Variants in ALCAM observed in about 807,000 individuals in gnomAD.
ALCAM encodes the protein activated leukocyte cell adhesion molecule.
Under a neutral mutation model 70.9 loss-of-function variants are expected in ALCAM, and 30 were observed. The ratio of observed to expected loss-of-function variants is 0.42; its 90% CI spans 0.32 to 0.57. The LOEUF is 0.57. ALCAM is among the 20% of genes least tolerant of loss of function. The pLI is 0.11. For synonymous variants in ALCAM, 249 were observed against 242.5 expected (o/e 1.03, Z -0.25); for missense variants, 591 against 695.1 (o/e 0.85, Z 1.68).
At chr3:105,532,215 A>G in intron 4 of ALCAM, 149 bp downstream of exon 4, 1 of 691,236 alleles carries the variant, frequency 1.4e-6, no homozygotes, top group East Asian at 2.6e-5. Context: ...TACAAGGCAC[A>G]GAGGGTACAA....
In ALCAM at chr3:105,380,081, G is replaced by A. The variant is rs143051023; in HGVS notation, c.73+12600G>A. Among the ~76,000 whole-genome samples, 129 of 151,846 alleles carry A rather than the reference G, an allele frequency of 8.5e-4. 1 individual carries two copies. The highest frequency in any genetic ancestry group is 2.8e-3 in the African/African-American group (116 of 41,502). Reference sequence around the variant, plus strand: ...GTTAAAACTGTTATATATTTGAATAGTAGACAAAATCTTTTAAAATTACTC... The same window carrying A: ...GTTAAAACTGTTATATATTTGAATAATAGACAAAATCTTTTAAAATTACTC... On this transcript the variant is annotated intron_variant, in intron 1 of 15. Transcript: ENST00000306107.
intron 1 of ALCAM, among the ~76,000 whole-genome samples, chr3:105,481,690 T>C (rs1938275085): frequency 6.6e-6 from 1 of 152,206 alleles, no homozygotes; most frequent in African/African-American, 2.4e-5. Flanking sequence ...TGGTTGAATT[T>C]CTCCACATAT....
intron 1 of ALCAM, among the ~76,000 whole-genome samples, chr3:105,432,060 A>G (rs1936947001): frequency 6.6e-6 from 1 of 152,176 alleles, no homozygotes; most frequent in African/African-American, 2.4e-5. Flanking sequence ...TTCCATATAC[A>G]TTTATGACAG....
intron 1 of ALCAM, among the ~76,000 whole-genome samples, chr3:105,491,875 A>G (rs1288520812): frequency 2.0e-5 from 3 of 152,076 alleles, no homozygotes; most frequent in Non-Finnish European, 4.4e-5. Context: ...AACCCCCCAA[A>G]TGGTTCCAGC....
At chr3:105,503,027 A>G (rs930778129) in intron 1 of ALCAM, among the ~76,000 whole-genome samples, 6 of 152,264 alleles carry the variant, frequency 3.9e-5, no homozygotes, top group South Asian at 4.1e-4. Context: ...GTAAGCACAA[A>G]GCTTAAGAAA....
At chr3:105,405,729 T>C (rs926062333) in intron 1 of ALCAM, among the ~76,000 whole-genome samples, 1 of 152,124 alleles carries the variant, frequency 6.6e-6, no homozygotes, top group Non-Finnish European at 1.5e-5. Context: ...TGGAGTAAAA[T>C]TGGAAATCAA....
chr3:105,458,298 C>G (rs13062704), intron 1 of ALCAM, among the ~76,000 whole-genome samples: 1 of 152,110 alleles, frequency 6.6e-6, no homozygotes, highest in African/African-American at 2.4e-5. Context: ...AACAGTGATT[C>G]TATGTTGCTT....
rs1356273934 is a variant in ALCAM at position 105,517,473 on chromosome 3, C to A, written c.74-2594C>A. Among the ~76,000 whole-genome samples, 3 of 152,152 alleles carry A rather than the reference C, an allele frequency of 2.0e-5. No homozygotes were observed. In the East Asian group the frequency reaches 5.8e-4, roughly 29 times the overall value. ...GATTTGGATTTGGATTTGGAGCTGTCATTAAAAGACACCATTCATGAATTT... is the reference window on the plus strand; with the variant it reads ...GATTTGGATTTGGATTTGGAGCTGTAATTAAAAGACACCATTCATGAATTT... On this transcript the variant is annotated intron_variant, in intron 1 of 15. Transcript: ENST00000306107.
At chr3:105,447,179 G>T (rs1046065687) in intron 1 of ALCAM, among the ~76,000 whole-genome samples, 3 of 151,886 alleles carry the variant, frequency 2.0e-5, no homozygotes, top group African/African-American at 7.3e-5. Context: ...TGGTAATCTT[G>T]TTATACTAAG....
chr3:105,572,151 G>A (rs1940871569), intron 15 of ALCAM, among the ~76,000 whole-genome samples, 187 bp downstream of exon 15: 1 of 151,938 alleles, frequency 6.6e-6, no homozygotes, highest in Non-Finnish European at 1.5e-5. Context: ...GGTATGTTAC[G>A]CTGGTATAAA....
At chr3:105,525,221 T>C (rs1939669715) in intron 3 of ALCAM, 3 of 985,068 alleles carry the variant, frequency 3.0e-6, no homozygotes, top group Non-Finnish European at 3.6e-6. Flanking sequence ...AGTAGAGTAG[T>C]GATGGAAGAA....
chr3:105,547,525 C>T lies in ALCAM; in HGVS notation c.1374+2C>T. On this transcript the variant is annotated splice_donor_variant, in intron 11 of 15. Transcript: ENST00000306107. LOFTEE classifies it low-confidence loss of function (GC_TO_GT_DONOR). ...GGCAGTGGAAGCGTCATAAACCAAGCAAGTATTTGTCTTCTTGTTATATGC... is the reference window on the plus strand; with the variant it reads ...GGCAGTGGAAGCGTCATAAACCAAGTAAGTATTTGTCTTCTTGTTATATGC... 2 of 1,605,734 alleles carry T rather than the reference C, an allele frequency of 1.2e-6. No homozygotes were observed. Among genetic ancestry groups the T allele is most frequent in the Admixed American group, 1.7e-5 (1 of 58,758 alleles).
chr3:105,518,283 G>T (rs771965761), intron 1 of ALCAM, among the ~76,000 whole-genome samples: 1 of 152,048 alleles, frequency 6.6e-6, no homozygotes, highest in Non-Finnish European at 1.5e-5. Context: ...ATAAATTAAG[G>T]TATAGAGATG....
At chr3:105,464,843 G>T (rs1228671340) in intron 1 of ALCAM, among the ~76,000 whole-genome samples, 3 of 151,298 alleles carry the variant, frequency 2.0e-5, no homozygotes, top group African/African-American at 7.3e-5. Flanking sequence ...GATCTTAGTG[G>T]TAGGATTTAA....
intron 1 of ALCAM, among the ~76,000 whole-genome samples, chr3:105,372,710 G>A (rs1305489065): frequency 6.6e-6 from 1 of 152,108 alleles, no homozygotes; most frequent in Non-Finnish European, 1.5e-5. Context: ...CTGGGGAATA[G>A]GTTAATCAGA....
At chr3:105,525,099 C>G in intron 3 of ALCAM, 1 of 974,288 alleles carries the variant, frequency 1.0e-6, no homozygotes, top group Non-Finnish European at 1.2e-6. Context: ...CCTTTATTGA[C>G]TGGTTATTGA....
intron 14 of ALCAM, among the ~76,000 whole-genome samples, chr3:105,563,357 CAAAT>C (rs1940668169): frequency 2.1e-5 from 1 of 47,796 alleles, no homozygotes; most frequent in South Asian, 1.3e-3. Context: ...AAAATGACCT[CAAAT>C]AACTTTTTGC....
intron 1 of ALCAM, among the ~76,000 whole-genome samples, chr3:105,424,576 A>G (rs771246738): frequency 6.6e-6 from 1 of 151,740 alleles, no homozygotes; most frequent in Non-Finnish European, 1.5e-5. Context: ...TTTAAAGACA[A>G]TCTGAAAAGA....
intron 1 of ALCAM, among the ~76,000 whole-genome samples, chr3:105,403,057 C>T (rs890199519): frequency 2.6e-5 from 4 of 151,232 alleles, no homozygotes; most frequent in Admixed American, 1.3e-4. Context: ...AGTGATACTC[C>T]TGCCTCAGCC....
Sources: allele counts gnomAD v4.1 joint callset (sites outside exome capture counted in the v4.1 genomes callset), GRCh38; gene constraint gnomAD v4.1.1; transcripts MANE v1.5; gene names NCBI Gene and HGNC (gene_info 2026-07-23, HGNC 2026-07-21).